RAB10: variants seen among roughly 807,000 people sequenced by gnomAD.
RAB10 encodes the protein RAB10, member RAS oncogene family, also known as ras-related protein Rab-10.
Under a neutral mutation model 25.7 loss-of-function variants are expected in RAB10, and 5 were observed. The observed-to-expected ratio is 0.19, with a 90% CI of 0.10 to 0.41. The LOEUF is 0.41. Among genes scored for constraint, RAB10 ranks in the 10% least tolerant of loss-of-function variants. The pLI is 1.00. For synonymous variants in RAB10, 89 were observed against 86.4 expected, an observed-to-expected ratio of 1.03 and a Z score of -0.16; for missense variants, 103 against 245.8, an observed-to-expected ratio of 0.42 and a Z score of 3.89.
intron 1 of RAB10, among the ~76,000 whole-genome samples, chr2:26,043,453 A>G (rs1486403583): frequency 6.6e-6 from 1 of 152,186 alleles, no homozygotes; most frequent in Non-Finnish European, 1.5e-5. Context: ...AGACTCAAAC[A>G]GCTATTTGTA....
chr2:26,103,188 T>C (rs909262699), intron 2 of RAB10, among the ~76,000 whole-genome samples: 2 of 152,224 alleles, frequency 1.3e-5, no homozygotes, highest in Non-Finnish European at 2.9e-5. Flanking sequence ...CCATGTTCTG[T>C]GTATATTCTT....
chr2:26,127,353 C>G, intron 4 of RAB10, 120 bp downstream of exon 4: 1 of 746,856 alleles, frequency 1.3e-6, no homozygotes, highest in Non-Finnish European at 2.1e-6. Context: ...TTTTAAAATG[C>G]TTGTTGGAAA....
intron 2 of RAB10, among the ~76,000 whole-genome samples, chr2:26,102,738 A>T (rs543694412): frequency 1.2e-3 from 178 of 152,300 alleles, no homozygotes; most frequent in Admixed American, 2.2e-3. Context: ...GCCCCTGGCC[A>T]GGCTGTGATT....
At chr2:26,097,278 C>G (rs976589284) in intron 1 of RAB10, among the ~76,000 whole-genome samples, 7 of 151,880 alleles carry the variant, frequency 4.6e-5, no homozygotes, top group African/African-American at 1.5e-4. Flanking sequence ...ATACTCTTTT[C>G]TTTGTTTGTT....
At chr2:26,098,109 C>CTTTTTTTTTTTTTTTTTTTTTTTTT (rs57174956) in intron 1 of RAB10, among the ~76,000 whole-genome samples, 33 of 52,732 alleles carry the variant, frequency 6.3e-4, no homozygotes, top group East Asian at 1.8e-3. Context: ...TTCTTTCTTT[C>CTTTTTTTTTTTTTTTTTTTTTTTTT]TTTTTTTTTT....
intron 2 of RAB10, among the ~76,000 whole-genome samples, chr2:26,102,432 T>C (rs1446469279): frequency 1.3e-5 from 2 of 148,932 alleles, no homozygotes; most frequent in African/African-American, 5.1e-5. Context: ...TTTTTTCTTT[T>C]TTCTTTCTTT....
At chr2:26,038,912 G>A (rs796702780) in intron 1 of RAB10, among the ~76,000 whole-genome samples, 171 of 110,632 alleles carry the variant, frequency 1.5e-3, no homozygotes, top group African/African-American at 5.7e-3. Context: ...GCAACAGAGC[G>A]AGACTCTGTC....
At chr2:26,099,502 T>A (rs974337234) in intron 2 of RAB10, among the ~76,000 whole-genome samples, 1 of 151,206 alleles carries the variant, frequency 6.6e-6, no homozygotes, top group Non-Finnish European at 1.5e-5. Context: ...GTGCTTTCTG[T>A]CACTGTATTT....
intron 1 of RAB10, among the ~76,000 whole-genome samples, chr2:26,076,957 A>G (rs1233886022): frequency 1.3e-5 from 2 of 151,996 alleles, no homozygotes; most frequent in East Asian, 3.9e-4. Flanking sequence ...GAAAAAAAAA[A>G]AAACAGAAAA....
At chr2:26,082,670 T>C (rs895547938) in intron 1 of RAB10, among the ~76,000 whole-genome samples, 3 of 152,168 alleles carry the variant, frequency 2.0e-5, no homozygotes, top group African/African-American at 7.2e-5. Flanking sequence ...ACTGGTGATT[T>C]ATATCAAATG....
At chr2:26,134,899 GT>G (rs749359748) in intron 5 of RAB10, 38 bp from the exon 6 acceptor site, 1 of 1,512,602 alleles carries the variant, frequency 6.6e-7, no homozygotes, top group Admixed American at 1.7e-5. Context: ...CCATGGCAGT[GT>G]TTTTTCATGA....
chr2:26,109,634 A>T, intron 2 of RAB10, 134 bp from the exon 3 acceptor site: 1 of 849,170 alleles, frequency 1.2e-6, no homozygotes, highest in Middle Eastern at 3.2e-4. Context: ...TTCATCCAGT[A>T]TGGGTAGGTT....
In RAB10 at chr2:26,135,555, T is replaced by C. The variant is rs1668093571; in HGVS notation, c.*534T>C. 6.5e-6 allele frequency: 1 copy of C among 152,714 alleles called. No homozygotes were observed. The highest frequency in any genetic ancestry group is 1.5e-5 in the Non-Finnish European group (1 of 68,082). 9.5% of individuals were successfully genotyped at this position (152,714 alleles called of 1,614,324 possible). A position where few individuals can be genotyped will look rare whatever the true frequency, so the allele number is the denominator to read the frequency against. Reference sequence around the variant, plus strand: ...TGCCTTATGTGGAAAGGAACTTCTTTGGTTTTCCTTTTTTGTTCTGGTGGA... The same window carrying C: ...TGCCTTATGTGGAAAGGAACTTCTTCGGTTTTCCTTTTTTGTTCTGGTGGA... On this transcript the variant is annotated 3_prime_UTR_variant, in exon 6 of 6. Coordinates refer to ENST00000264710, the MANE Select transcript of RAB10 (RefSeq NM_016131.5).
chr2:26,045,114 G>C lies in RAB10; in HGVS notation c.127+10379G>C, dbSNP rs1352291122. Among the ~76,000 whole-genome samples, 5 of 151,994 alleles carry C rather than the reference G, an allele frequency of 3.3e-5. No homozygotes were observed. In the South Asian group the frequency reaches 1.0e-3, roughly 31 times the overall value. ...TAGCGCATAATAGAGAAGAGCCGAT[G>C]ATGTTTCTTTTCAAGAATTGTGGTG... is the stretch of plus-strand genomic sequence containing the variant. On this transcript the variant is annotated intron_variant, in intron 1 of 5. Coordinates refer to ENST00000264710, the MANE Select transcript of RAB10 (RefSeq NM_016131.5).
At chr2:26,045,969 C>T (rs1375790703) in intron 1 of RAB10, among the ~76,000 whole-genome samples, 3 of 152,140 alleles carry the variant, frequency 2.0e-5, no homozygotes, top group African/African-American at 7.2e-5. Flanking sequence ...AGAGGTGGGT[C>T]CTTCAAATAG....
intron 3 of RAB10, among the ~76,000 whole-genome samples, chr2:26,126,499 A>G (rs1667905854): frequency 6.6e-6 from 1 of 152,198 alleles, no homozygotes; most frequent in Non-Finnish European, 1.5e-5. Flanking sequence ...AGGCTAAGGC[A>G]GGAGAATCGC....
chr2:26,118,469 G>C (rs1206391094), intron 3 of RAB10, among the ~76,000 whole-genome samples: 1 of 151,938 alleles, frequency 6.6e-6, no homozygotes, highest in South Asian at 2.1e-4. Context: ...GAATTAACAG[G>C]TTCTCATGTA....
intron 1 of RAB10, among the ~76,000 whole-genome samples, chr2:26,038,105 C>T (rs528343724): frequency 2.6e-5 from 4 of 151,678 alleles, no homozygotes; most frequent in South Asian, 4.2e-4. Context: ...AGGCTGGTCT[C>T]GAACTTCTGA....
At chr2:26,132,344 C>T (rs942904483) in intron 5 of RAB10, among the ~76,000 whole-genome samples, 1 of 152,164 alleles carries the variant, frequency 6.6e-6, no homozygotes, top group Non-Finnish European at 1.5e-5. Context: ...GCCTCTGCCT[C>T]CCAGGTTCAA....
Sources: allele counts gnomAD v4.1 joint callset (sites outside exome capture counted in the v4.1 genomes callset), GRCh38; gene constraint gnomAD v4.1.1; transcripts MANE v1.5; gene names NCBI Gene and HGNC (gene_info 2026-07-23, HGNC 2026-07-21).